Variants in CCDC149 observed in about 807,000 individuals in gnomAD.
The protein encoded by CCDC149 is coiled-coil domain containing 149, also known as coiled-coil domain-containing protein 149.
CCDC149 carries 45 observed loss-of-function variants against 59.9 expected under a neutral mutation model. That is an observed-to-expected ratio of 0.75 (90% CI 0.59 to 0.96). The LOEUF is 0.96. Ranked by LOEUF, CCDC149 falls within the 40% of genes least tolerant of loss-of-function variation. The pLI is 0.00. For synonymous variants in CCDC149, 245 were observed against 260.6 expected, an observed-to-expected ratio of 0.94 and a Z score of 0.58; for missense variants, 584 against 664.7, an observed-to-expected ratio of 0.88 and a Z score of 1.33.
Position 24,891,894 on chromosome 4 carries a change from G to A in CCDC149, c.64-15197C>T, listed in dbSNP as rs1377060657. 2.6e-5 allele frequency among the ~76,000 whole-genome samples: 4 copies of A among 152,088 alleles called. No homozygotes were observed. In the East Asian group the frequency reaches 5.8e-4, roughly 22 times the overall value. ...TACATCTGTAGTCCCAGCTACTTGG[G>A]AGGCTGAGGTGGGAGGATCCCTTGA... is the stretch of plus-strand genomic sequence containing the variant. On this transcript the variant is annotated intron_variant, in intron 1 of 12. Transcript: ENST00000635206.
Position 24,853,032 on chromosome 4 carries a change from T to C in CCDC149, c.372+40A>G, listed in dbSNP as rs766332518. On this transcript the variant is annotated intron_variant, in intron 4 of 12. Transcript: ENST00000635206. ...CAATATATAAACCTCGAACGCACAA[T>C]GTTGCAGCAGAGCTTCTTCCCTGTA... The C allele has an allele frequency of 3.1e-6, 4 of 1,283,238 alleles. No individual in the cohort carries two copies. In the African/African-American group the frequency reaches 4.4e-5, roughly 14 times the overall value. The allele number at this position is 1,283,238 out of a possible 1,614,324, so 79.5% of individuals were successfully genotyped here.
At chr4:24,834,883 A>G in intron 8 of CCDC149, 65 bp downstream of exon 8, 1 of 1,214,566 alleles carries the variant, frequency 8.2e-7, no homozygotes, top group Non-Finnish European at 1.2e-6. Context: ...CCTGGATGGG[A>G]TGTGGGCTTG....
At chr4:24,840,752 A>G (rs1201420427) in intron 4 of CCDC149, among the ~76,000 whole-genome samples, 1 of 152,202 alleles carries the variant, frequency 6.6e-6, no homozygotes, top group African/African-American at 2.4e-5. Context: ...TATGAGTGTT[A>G]GAGAAACTTC....
At chr4:24,825,539 C>G (rs968924203) in intron 9 of CCDC149, among the ~76,000 whole-genome samples, 1 of 151,912 alleles carries the variant, frequency 6.6e-6, no homozygotes, top group Non-Finnish European at 1.5e-5. Flanking sequence ...TTTGGGAGGA[C>G]GAGGCAGGCG....
intron 1 of CCDC149, among the ~76,000 whole-genome samples, chr4:24,953,816 A>G (rs141914920): frequency 1.3e-5 from 2 of 152,334 alleles, no homozygotes; most frequent in East Asian, 3.9e-4. Context: ...ATGTCTGAAC[A>G]AAAGGGAAAT....
intron 8 of CCDC149, among the ~76,000 whole-genome samples, chr4:24,833,545 A>C (rs1309290224): frequency 6.6e-6 from 1 of 152,136 alleles, no homozygotes; most frequent in African/African-American, 2.4e-5. Context: ...AATCGCTTGA[A>C]TCTGGGAGGC....
rs557753149 is a variant in CCDC149, at chr4:24,831,791, G to T, written c.821-141C>A. ...GTTGTATTGAGAGTCCACCTCAAGT[G>T]TCAACAAAACAAAGTAAAATCCAGT... On this transcript the variant is annotated intron_variant, in intron 8 of 12. Transcript: ENST00000635206. 41 of 672,822 alleles carry T rather than the reference G, an allele frequency of 6.1e-5. No homozygotes were observed. In the African/African-American group the frequency reaches 6.9e-4, roughly 11 times the overall value. 41.7% of individuals were successfully genotyped at this position (672,822 alleles called of 1,614,324 possible).
rs10032123 is a variant in CCDC149, at chr4:24,952,628, T to A, written c.-65+27441A>T. Among the ~76,000 whole-genome samples the A allele has an allele frequency of 7.4e-3, 70 of 9,400 alleles. 1 individual carries two copies. Among genetic ancestry groups the A allele is most frequent in the Admixed American group, 0.013 (6 of 476 alleles). The allele number at this position is 9,400 out of a possible 152,430, so 6.2% of individuals were successfully genotyped here. A position where few individuals can be genotyped will look rare whatever the true frequency, so the allele number is the denominator to read the frequency against. ...AAAAAAAAAAAAAAAAAAAAAAAAA[T>A]ATATATATATATATATATATATATA... On this transcript the variant is annotated intron_variant, in intron 1 of 12. Transcript: ENST00000389609.
intron 1 of CCDC149, among the ~76,000 whole-genome samples, chr4:24,906,375 A>ATTTTTATTTTATTTTATTTT (rs1553859575): frequency 9.6e-5 from 1 of 10,464 alleles, no homozygotes; most frequent in African/African-American, 1.4e-4. Context: ...ATTTTATTTT[A>ATTTTTATTTTATTTTATTTT]TTTTATTTTA....
chr4:24,959,060 G>A (rs993867691), intron 1 of CCDC149, among the ~76,000 whole-genome samples: 1 of 151,588 alleles, frequency 6.6e-6, no homozygotes, highest in Non-Finnish European at 1.5e-5. Flanking sequence ...TGCAAGCTCC[G>A]CCTCCCGGGT....
chr4:24,924,294 T>C (rs749856459), intron 1 of CCDC149, among the ~76,000 whole-genome samples: 3 of 151,644 alleles, frequency 2.0e-5, no homozygotes, highest in Non-Finnish European at 4.4e-5. Flanking sequence ...AAACTCTTCA[T>C]CTTACACATG....
intron 8 of CCDC149, among the ~76,000 whole-genome samples, chr4:24,832,235 G>T (rs1716199864): frequency 6.6e-6 from 1 of 152,188 alleles, no homozygotes; most frequent in Non-Finnish European, 1.5e-5. Flanking sequence ...CAAAACCAAT[G>T]ATTTCACAGG....
intron 3 of CCDC149, among the ~76,000 whole-genome samples, chr4:24,858,507 A>G (rs1195701810): frequency 2.0e-5 from 3 of 152,194 alleles, no homozygotes; most frequent in Non-Finnish European, 4.4e-5. Context: ...GAATCCATAT[A>G]TTTAAGTCAC....
intron 1 of CCDC149, among the ~76,000 whole-genome samples, chr4:24,919,181 T>G (rs1722215447): frequency 6.6e-6 from 1 of 152,232 alleles, no homozygotes; most frequent in African/African-American, 2.4e-5. Flanking sequence ...GGGTCTCCTT[T>G]AACATACTGG....
At chr4:24,966,453 A>G (rs1723807363) in intron 1 of CCDC149, among the ~76,000 whole-genome samples, 1 of 151,956 alleles carries the variant, frequency 6.6e-6, no homozygotes, top group Non-Finnish European at 1.5e-5. Context: ...CACCACATAC[A>G]TGAAGTGACC....
intron 12 of CCDC149, among the ~76,000 whole-genome samples, chr4:24,816,849 C>T (rs771262199): frequency 1.3e-5 from 2 of 152,088 alleles, no homozygotes; most frequent in African/African-American, 4.8e-5. Context: ...CACCCAAAAA[C>T]GTGTCCCCCG....
chr4:24,921,476 T>C (rs146528323), intron 1 of CCDC149, among the ~76,000 whole-genome samples: 1 of 152,354 alleles, frequency 6.6e-6, no homozygotes, highest in African/African-American at 2.4e-5. Context: ...GAGAGCTCTC[T>C]ATGGCTCTCC....
At chr4:24,952,626 A>AATATATATATATATATATAT (rs199615303) in intron 1 of CCDC149, among the ~76,000 whole-genome samples, 2 of 28,450 alleles carry the variant, frequency 7.0e-5, no homozygotes, top group Non-Finnish European at 1.3e-4. Context: ...AAAAAAAAAA[A>AATATATATATATATATATAT]ATATATATAT....
intron 12 of CCDC149, among the ~76,000 whole-genome samples, chr4:24,817,624 G>A (rs1715099914): frequency 1.3e-5 from 2 of 151,798 alleles, no homozygotes; most frequent in Admixed American, 6.5e-5. Flanking sequence ...TATTTTTCAC[G>A]AGTCTTTGGG....
Sources: allele counts gnomAD v4.1 joint callset (sites outside exome capture counted in the v4.1 genomes callset), GRCh38; gene constraint gnomAD v4.1.1; transcripts MANE v1.5; gene names NCBI Gene and HGNC (gene_info 2026-07-23, HGNC 2026-07-21).